The following TBL1X variants were observed in gnomAD, a reference collection of about 807,000 sequenced individuals.
TBL1X encodes the protein transducin beta like 1 X-linked.
A neutral mutation model predicts 50.7 loss-of-function variants in TBL1X; 10 were observed. The ratio of observed to expected loss-of-function variants is 0.20; its 90% CI spans 0.12 to 0.33. TBL1X has a LOEUF of 0.33. TBL1X is among the 10% of genes least tolerant of loss of function. The probability of loss-of-function intolerance (pLI) is 1.00; values close to 1 mark genes in which losing one functional copy is unlikely to be tolerated. For synonymous variants in TBL1X, 190 were observed against 214.7 expected (o/e 0.88, Z 1.01); for missense variants, 340 against 504.4 (o/e 0.67, Z 3.12).
intron 2 of TBL1X, among the ~76,000 whole-genome samples, chrX:9,552,015 T>A (rs915914866): frequency 8.9e-6 from 1 of 112,075 alleles, no homozygotes; most frequent in African/African-American, 3.2e-5. Context: ...GTGAGGAATT[T>A]GGTTTCCTAA....
At chrX:9,700,931 T>TG (rs2083166746) in intron 12 of TBL1X, among the ~76,000 whole-genome samples, 1 of 111,585 alleles carries the variant, frequency 9.0e-6, no homozygotes, top group South Asian at 3.8e-4. Context: ...CTTTCATTGA[T>TG]GTAACGTTCT....
chrX:9,482,598 G>A (rs1194006657), intron 1 of TBL1X, among the ~76,000 whole-genome samples: 1 of 111,952 alleles, frequency 8.9e-6, no homozygotes, highest in Non-Finnish European at 1.9e-5. Flanking sequence ...ACACCCGTGA[G>A]TACATGCAGG....
rs956078319 is a variant in TBL1X at position 9,503,016 on chromosome X, C to T, written c.-131+1167C>T. The stretch of plus-strand genomic sequence containing the variant: ...GAATTTAAAAACATTTTATGGAGGG[C>T]GGGGCCAAGATGGCCAACTAGAAGC... On this transcript the variant is annotated intron_variant, in intron 2 of 17. Coordinates refer to ENST00000645353, the MANE Select transcript of TBL1X (RefSeq NM_005647.4). 4.4e-5 allele frequency among the ~76,000 whole-genome samples: 5 copies of T among 112,706 alleles called. 1 individual carries two copies. The South Asian group carries it at 1.1e-3, about 25-fold the overall frequency.
chrX:9,561,077 ACTGT>A (rs993116492), intron 2 of TBL1X, among the ~76,000 whole-genome samples: 39 of 111,717 alleles, frequency 3.5e-4, no homozygotes, highest in African/African-American at 1.2e-3. Context: ...GCCAGGGCTG[ACTGT>A]CTGTGTAGGC....
At chrX:9,466,795 G>A (rs1339165388) in intron 1 of TBL1X, among the ~76,000 whole-genome samples, 4 of 112,410 alleles carry the variant, frequency 3.6e-5, no homozygotes, top group East Asian at 2.8e-4. Context: ...TGAGTATGAC[G>A]CGTTTATTTT....
In TBL1X at chrX:9,531,734, CT is replaced by C. The variant is rs201635802; in HGVS notation, c.-131+29895del. On this transcript the variant is annotated intron_variant, in intron 2 of 17. Coordinates refer to ENST00000645353, the MANE Select transcript of TBL1X (RefSeq NM_005647.4). Reference sequence around the variant, plus strand: ...AGCCTGGGCAACATAATGAGAGGCTCTTTTTTTTTTCTTTTTGAGACACGGT... The same window carrying C: ...AGCCTGGGCAACATAATGAGAGGCTCTTTTTTTTTCTTTTTGAGACACGGT... 5.2e-3 allele frequency among the ~76,000 whole-genome samples: 547 copies of C among 104,861 alleles called. 9 individuals are homozygous for C. Among genetic ancestry groups the C allele is most frequent in the African/African-American group, 0.018 (523 of 28,641 alleles). 91.1% of individuals were successfully genotyped at this position (104,861 alleles called of 115,157 possible). A position where few individuals can be genotyped will look rare whatever the true frequency, so the allele number is the denominator to read the frequency against.
intron 2 of TBL1X, among the ~76,000 whole-genome samples, chrX:9,513,103 G>A (rs1041943090): frequency 3.6e-5 from 4 of 110,605 alleles, no homozygotes; most frequent in African/African-American, 9.9e-5. Flanking sequence ...CCAGAGTCTC[G>A]GCACAGTTGA....
intron 2 of TBL1X, among the ~76,000 whole-genome samples, chrX:9,623,497 G>C (rs957837819): frequency 9.0e-6 from 1 of 110,945 alleles, no homozygotes; most frequent in East Asian, 2.8e-4. Context: ...GACCGGCCTA[G>C]GCATCATGGA....
At chrX:9,482,640 C>T (rs960705631) in intron 1 of TBL1X, among the ~76,000 whole-genome samples, 5 of 111,122 alleles carry the variant, frequency 4.5e-5, no homozygotes, top group African/African-American at 1.6e-4. Flanking sequence ...ACTCCTATTC[C>T]CCTGGGACCA....
intron 5 of TBL1X, among the ~76,000 whole-genome samples, chrX:9,670,032 ATGT>A (rs2082951643): frequency 9.0e-6 from 1 of 111,685 alleles, no homozygotes; most frequent in African/African-American, 3.3e-5. Flanking sequence ...CCCAAACTAA[ATGT>A]TGTTGTAAAA....
chrX:9,548,229 C>G, intron 2 of TBL1X, among the ~76,000 whole-genome samples: 1 of 110,801 alleles, frequency 9.0e-6, no homozygotes, highest in Non-Finnish European at 1.9e-5. Flanking sequence ...ATTTTATCCT[C>G]TTTGAGTTAA....
At chrX:9,625,767 G>A (rs2082689234) in intron 2 of TBL1X, among the ~76,000 whole-genome samples, 1 of 111,458 alleles carries the variant, frequency 9.0e-6, no homozygotes, top group Admixed American at 9.5e-5. Flanking sequence ...TGAAACCCCC[G>A]TCTCTACTAA....
chrX:9,676,765 A>G lies in TBL1X; in HGVS notation c.212-7278A>G, dbSNP rs929355295. Among the ~76,000 whole-genome samples the G allele has an allele frequency of 5.3e-5, 6 of 112,205 alleles. No homozygotes were observed. The South Asian group carries it at 1.5e-3, about 28-fold the overall frequency. On this transcript the variant is annotated intron_variant, in intron 5 of 17. Transcript: ENST00000645353. ...TTGAGGGTTTTTTTCATATAAACAC[A>G]TTAAAATGGAAAGCTGATATGAACA...
intron 1 of TBL1X, among the ~76,000 whole-genome samples, chrX:9,488,995 A>G (rs1457724373): frequency 9.0e-6 from 1 of 110,869 alleles, no homozygotes; most frequent in Non-Finnish European, 1.9e-5. Flanking sequence ...CTCAGTATTG[A>G]TTCCCTCTGA....
chrX:9,647,390 G>T (rs757421714), intron 3 of TBL1X, among the ~76,000 whole-genome samples: 4 of 112,035 alleles, frequency 3.6e-5, no homozygotes, highest in Non-Finnish European at 7.5e-5. Flanking sequence ...TTAACCCAAA[G>T]TGGAAGGTGG....
chrX:9,498,185 G>A (rs2081982613), intron 1 of TBL1X, among the ~76,000 whole-genome samples: 1 of 111,846 alleles, frequency 8.9e-6, no homozygotes, highest in Admixed American at 9.5e-5. Context: ...CCTACACATA[G>A]TTTTATCAGT....
intron 2 of TBL1X, among the ~76,000 whole-genome samples, chrX:9,547,721 G>A (rs1001617823): frequency 2.8e-5 from 3 of 108,877 alleles, no homozygotes; most frequent in African/African-American, 1.0e-4. Flanking sequence ...AAAGAGCCTT[G>A]GAGAATGATA....
intron 2 of TBL1X, among the ~76,000 whole-genome samples, chrX:9,522,224 C>T (rs771180409): frequency 6.8e-4 from 75 of 110,466 alleles, no homozygotes; most frequent in African/African-American, 2.4e-3. Context: ...CGCCATGTTG[C>T]CCAGGCTGGT....
intron 2 of TBL1X, among the ~76,000 whole-genome samples, chrX:9,564,558 C>G (rs1007661753): frequency 3.6e-5 from 4 of 110,278 alleles, no homozygotes; most frequent in Admixed American, 1.9e-4. Context: ...CATGGTGAAA[C>G]CTCGTCTCTA....
Sources: gnomAD v4.1 joint callset for allele counts (sites outside exome capture counted in the v4.1 genomes callset) on GRCh38, gnomAD v4.1.1 for gene constraint, MANE v1.5 for transcripts, NCBI Gene and HGNC (gene_info 2026-07-23, HGNC 2026-07-21) for gene names.